Variants in COLEC10 observed in about 807,000 individuals in gnomAD.
COLEC10 encodes collectin subfamily member 10.
COLEC10 carries 22 observed loss-of-function variants against 28.4 expected under a neutral mutation model. The observed-to-expected ratio is 0.78, with a 90% CI of 0.55 to 1.11. The LOEUF is 1.11. COLEC10 is among the 50% of genes least tolerant of loss of function. The pLI is 0.00. For synonymous variants in COLEC10, 125 were observed against 116.1 expected (o/e 1.08, Z -0.49); for missense variants, 361 against 344.1 (o/e 1.05, Z -0.39).
chr8:119,022,401 G>A (rs187544628), intron 2 of COLEC10, among the ~76,000 whole-genome samples: 2 of 152,176 alleles, frequency 1.3e-5, no homozygotes, highest in African/African-American at 2.4e-5. Flanking sequence ...TTTTTAAAAG[G>A]TAGGGGAAAT....
upstream of COLEC10, among the ~76,000 whole-genome samples, chr8:119,066,870 C>T (rs763936225): frequency 3.9e-5 from 6 of 152,158 alleles, no homozygotes; most frequent in East Asian, 1.9e-4. Context: ...AAGCCATGCA[C>T]GGTGTTTGCA....
chr8:118,981,863 C>T, the COLEC10 span, among the ~76,000 whole-genome samples: 8 of 152,088 alleles, frequency 5.3e-5, no homozygotes, highest in South Asian at 4.2e-4. Flanking sequence ...TGGTGAGTTG[C>T]GAAGGATTTG....
chr8:118,965,607 G>A, the COLEC10 span, among the ~76,000 whole-genome samples: 3 of 151,908 alleles, frequency 2.0e-5, no homozygotes, highest in South Asian at 6.2e-4. Context: ...GTCTCCGTGT[G>A]AGATGGTAGA....
chr8:119,102,432 C>G, intron 4 of COLEC10, 31 bp downstream of exon 4: 1 of 1,552,984 alleles, frequency 6.4e-7, no homozygotes, highest in Non-Finnish European at 8.8e-7. Flanking sequence ...TCTTTGATTT[C>G]TAGCATGATT....
intron 1 of COLEC10, chr8:119,067,709 C>A: frequency 3.2e-6 from 1 of 316,174 alleles, no homozygotes; most frequent in Non-Finnish European, 5.8e-6. Flanking sequence ...CCATTCTGCT[C>A]CGGGGCAGAT....
At chr8:119,050,061 A>C (rs1044439098) in intron 2 of COLEC10, among the ~76,000 whole-genome samples, 1 of 152,014 alleles carries the variant, frequency 6.6e-6, no homozygotes, top group Non-Finnish European at 1.5e-5. Context: ...CTTCAAAGCA[A>C]CTCTTTCCTG....
chr8:118,983,282 G>A, the COLEC10 span, among the ~76,000 whole-genome samples: 1 of 152,092 alleles, frequency 6.6e-6, no homozygotes, highest in Non-Finnish European at 1.5e-5. Context: ...GGCTAGTATA[G>A]ATTTTTACTC....
the COLEC10 span, among the ~76,000 whole-genome samples, chr8:118,956,129 G>A: frequency 6.6e-6 from 1 of 152,108 alleles, no homozygotes; most frequent in East Asian, 1.9e-4. Context: ...TGGCAGAAAG[G>A]GTTAGAGAGT....
chr8:119,084,234 G>T (rs1224496095), intron 1 of COLEC10, among the ~76,000 whole-genome samples: 1 of 152,146 alleles, frequency 6.6e-6, no homozygotes, highest in Non-Finnish European at 1.5e-5. Flanking sequence ...TGGGAGCACT[G>T]AGAGTTTAAA....
intron 1 of COLEC10, among the ~76,000 whole-genome samples, chr8:119,073,598 T>A (rs1815166689): frequency 6.6e-6 from 1 of 152,098 alleles, no homozygotes; most frequent in Admixed American, 6.6e-5. Context: ...TATCGATACT[T>A]AGAACAATTT....
the COLEC10 span, among the ~76,000 whole-genome samples, chr8:118,966,279 A>T: frequency 2.6e-5 from 4 of 152,184 alleles, no homozygotes; most frequent in African/African-American, 7.2e-5. Flanking sequence ...TTCATTTTTT[A>T]AAAAATCAAC....
chr8:119,026,059 C>G (rs1814184759), intron 2 of COLEC10, among the ~76,000 whole-genome samples: 1 of 152,144 alleles, frequency 6.6e-6, no homozygotes, highest in South Asian at 2.1e-4. Flanking sequence ...AAACTTTCTC[C>G]TCCCTTGACT....
At chr8:118,971,026 A>G in the COLEC10 span, among the ~76,000 whole-genome samples, 2 of 151,994 alleles carry the variant, frequency 1.3e-5, no homozygotes, top group South Asian at 4.1e-4. Flanking sequence ...TTTCACTGTC[A>G]GTAAAAACAC....
chr8:119,019,265 G>T (rs540594167), intron 2 of COLEC10, among the ~76,000 whole-genome samples: 3 of 152,222 alleles, frequency 2.0e-5, no homozygotes, highest in African/African-American at 7.2e-5. Flanking sequence ...GCAAATTCAG[G>T]GTCAGTGGGA....
intron 1 of COLEC10, among the ~76,000 whole-genome samples, chr8:119,074,730 A>G (rs1393265194): frequency 6.6e-6 from 1 of 152,182 alleles, no homozygotes; most frequent in East Asian, 1.9e-4. Context: ...GAGCTCACAA[A>G]CTTGAGACCA....
At position 119,069,629 on chromosome 8, in the gene COLEC10, A is replaced by AAAAAAT. The variant is rs1554627284; in HGVS notation, c.148+2201_148+2202insAAAATA. Among the ~76,000 whole-genome samples, 67 of 42,852 alleles carry AAAAAAT rather than the reference A, an allele frequency of 1.6e-3. 1 individual carries two copies. The highest frequency in any genetic ancestry group is 2.2e-3 in the Non-Finnish European group (50 of 22,792). 28.1% of individuals were successfully genotyped at this position (42,852 alleles called of 152,430 possible). ...TCAAAAAAAAAAAAAAAAAAAAAAA[A>AAAAAAT]ATATATATATATATATATATATATA... On this transcript the variant is annotated intron_variant, in intron 1 of 5. Coordinates refer to ENST00000332843, the MANE Select transcript of COLEC10 (RefSeq NM_006438.5).
At chr8:118,953,416 A>T in the COLEC10 span, among the ~76,000 whole-genome samples, 2 of 152,182 alleles carry the variant, frequency 1.3e-5, no homozygotes, top group Non-Finnish European at 2.9e-5. Flanking sequence ...AAATAGCAGT[A>T]TTATTGTTTT....
intron 4 of COLEC10, among the ~76,000 whole-genome samples, chr8:119,102,911 T>G (rs1056620602): frequency 6.6e-6 from 1 of 152,172 alleles, no homozygotes; most frequent in Admixed American, 6.6e-5. Context: ...TTTGGTAATT[T>G]CAATTGTTTC....
chr8:119,069,618 AAAAAAAAAAAAATATATATATAT>A (rs1393281170), intron 1 of COLEC10, among the ~76,000 whole-genome samples: 12 of 71,038 alleles, frequency 1.7e-4, no homozygotes, highest in African/African-American at 7.9e-4. Context: ...AAAAAAAAAA[AAAAAAAAAAAAATATATATATAT>A]ATATATATAT....
Sources: allele counts gnomAD v4.1 joint callset (sites outside exome capture counted in the v4.1 genomes callset), GRCh38; gene constraint gnomAD v4.1.1; transcripts MANE v1.5; gene names NCBI Gene and HGNC (gene_info 2026-07-23, HGNC 2026-07-21).